The following ASCC3 variants were observed in gnomAD, a reference collection of about 807,000 sequenced individuals.
ASCC3 encodes the protein ASC-1 complex subunit P200.
A neutral mutation model predicts 256.3 loss-of-function variants in ASCC3; 158 were observed. That is an observed-to-expected ratio of 0.62 (90% CI 0.54 to 0.70). The LOEUF is 0.70. Among genes scored for constraint, ASCC3 ranks in the 30% least tolerant of loss-of-function variants. The pLI, the probability that ASCC3 is intolerant of heterozygous loss-of-function variation, is 0.00. For synonymous variants in ASCC3, 948 were observed against 883.4 expected (o/e 1.07, Z -1.30); for missense variants, 2,259 against 2,626.0 (o/e 0.86, Z 3.05).
intron 8 of ASCC3, among the ~76,000 whole-genome samples, chr6:100,793,554 A>AT (rs1176145851): frequency 3.3e-5 from 5 of 152,016 alleles, no homozygotes; most frequent in Admixed American, 2.6e-4. Flanking sequence ...TTAATTTACC[A>AT]TTTTTTTTAA....
chr6:100,836,410 G>C (rs1245500328), intron 4 of ASCC3, among the ~76,000 whole-genome samples: 1 of 151,970 alleles, frequency 6.6e-6, no homozygotes, highest in Non-Finnish European at 1.5e-5. Flanking sequence ...GTTATGTTGA[G>C]GTACATTCCT....
chr6:100,752,057 T>C (rs566260391), intron 10 of ASCC3, among the ~76,000 whole-genome samples: 12 of 152,282 alleles, frequency 7.9e-5, no homozygotes, highest in Non-Finnish European at 1.5e-4. Context: ...GAAATGTTTC[T>C]GCCTCTTACC....
chr6:100,658,572 T>C (rs949930389), intron 16 of ASCC3, among the ~76,000 whole-genome samples: 1 of 151,440 alleles, frequency 6.6e-6, no homozygotes, highest in Non-Finnish European at 1.5e-5. Flanking sequence ...CAACAGACTA[T>C]CAGAAAATGG....
At chr6:100,667,643 G>A (rs1248361371) in intron 14 of ASCC3, among the ~76,000 whole-genome samples, 1 of 151,968 alleles carries the variant, frequency 6.6e-6, no homozygotes, top group Non-Finnish European at 1.5e-5. Flanking sequence ...CTAGAAAGGG[G>A]GATGAACATG....
At chr6:100,785,406 G>A (rs1769016621) in intron 8 of ASCC3, among the ~76,000 whole-genome samples, 1 of 151,892 alleles carries the variant, frequency 6.6e-6, no homozygotes, top group South Asian at 2.1e-4. Flanking sequence ...TCATTTAATC[G>A]TTTATTAATT....
At chr6:100,876,912 T>C (rs1287719517) in intron 1 of ASCC3, among the ~76,000 whole-genome samples, 1 of 152,172 alleles carries the variant, frequency 6.6e-6, no homozygotes, top group Non-Finnish European at 1.5e-5. Context: ...CTTTTTTACA[T>C]TCCAAATAAG....
At chr6:100,800,239 T>A in intron 6 of ASCC3, 61 bp downstream of exon 6, 1 of 1,538,028 alleles carries the variant, frequency 6.5e-7, no homozygotes, top group Admixed American at 1.7e-5. Context: ...TAAAAAGTGA[T>A]AATGATATGT....
chr6:100,788,105 G>C (rs992165972), intron 8 of ASCC3, among the ~76,000 whole-genome samples: 1 of 151,642 alleles, frequency 6.6e-6, no homozygotes, highest in Non-Finnish European at 1.5e-5. Flanking sequence ...ACTACACAAA[G>C]AAGTCTCAAA....
intron 5 of ASCC3, among the ~76,000 whole-genome samples, chr6:100,805,477 C>G (rs898066688): frequency 1.3e-5 from 2 of 152,096 alleles, no homozygotes; most frequent in African/African-American, 4.8e-5. Flanking sequence ...ACTCATGCAA[C>G]AAACCTGCAC....
At chr6:100,523,624 C>T (rs1276645866) in intron 37 of ASCC3, among the ~76,000 whole-genome samples, 1 of 152,130 alleles carries the variant, frequency 6.6e-6, no homozygotes, top group African/African-American at 2.4e-5. Flanking sequence ...CTTGGATACA[C>T]CACATGTCCT....
At chr6:100,613,455 C>T (rs1253750733) in intron 30 of ASCC3, among the ~76,000 whole-genome samples, 1 of 152,004 alleles carries the variant, frequency 6.6e-6, no homozygotes, top group Non-Finnish European at 1.5e-5. Context: ...ATAGTTCCAT[C>T]CATGCTGATG....
intron 39 of ASCC3, among the ~76,000 whole-genome samples, chr6:100,513,841 A>T (rs1188973927): frequency 5.3e-5 from 8 of 152,050 alleles, no homozygotes; most frequent in Non-Finnish European, 1.2e-4. Flanking sequence ...ACTTGAGGTC[A>T]TCTTTTTCTA....
intron 22 of ASCC3, 34 bp downstream of exon 22, chr6:100,646,581 G>T: frequency 6.2e-7 from 1 of 1,612,226 alleles, no homozygotes; most frequent in Non-Finnish European, 8.5e-7. Flanking sequence ...AGATATTTTT[G>T]TTTAACACAG....
chr6:100,642,878 G>T, intron 23 of ASCC3, 129 bp from the exon 24 acceptor site: 1 of 941,744 alleles, frequency 1.1e-6, no homozygotes, highest in Non-Finnish European at 1.6e-6. Context: ...TTTGTAAATA[G>T]CTGAGATATT....
At chr6:100,847,180 G>C (rs1308241709) in intron 4 of ASCC3, among the ~76,000 whole-genome samples, 1 of 152,006 alleles carries the variant, frequency 6.6e-6, no homozygotes, top group Non-Finnish European at 1.5e-5. Context: ...CCATTAATTA[G>C]ATATTTATAA....
chr6:100,847,541 A>G (rs1054104204), intron 4 of ASCC3, among the ~76,000 whole-genome samples: 1 of 152,198 alleles, frequency 6.6e-6, no homozygotes. Context: ...CCAATACTCA[A>G]TGTGATTTAA....
chr6:100,823,890 A>G (rs954155027), intron 4 of ASCC3, among the ~76,000 whole-genome samples: 4 of 152,198 alleles, frequency 2.6e-5, no homozygotes, highest in African/African-American at 9.6e-5. Context: ...AACAGGAACA[A>G]TGCTATAGTG....
At chr6:100,793,782 G>A (rs553183838) in intron 8 of ASCC3, among the ~76,000 whole-genome samples, 1 of 151,110 alleles carries the variant, frequency 6.6e-6, no homozygotes, top group Non-Finnish European at 1.5e-5. Flanking sequence ...CTAAAGTCTG[G>A]CAGATAGAAT....
At chr6:100,756,220 T>G (rs943717459) in intron 10 of ASCC3, among the ~76,000 whole-genome samples, 1 of 152,070 alleles carries the variant, frequency 6.6e-6, no homozygotes, top group South Asian at 2.1e-4. Flanking sequence ...AAAAAAAAAC[T>G]TCTTTGTACG....
Sources: gnomAD v4.1 joint callset for allele counts (sites outside exome capture counted in the v4.1 genomes callset) on GRCh38, gnomAD v4.1.1 for gene constraint, MANE v1.5 for transcripts, NCBI Gene and HGNC (gene_info 2026-07-23, HGNC 2026-07-21) for gene names.